The following PCDHA7 variants were observed in gnomAD, a reference collection of about 807,000 sequenced individuals.
PCDHA7 encodes the protein protocadherin alpha 7.
A neutral mutation model predicts 57.2 loss-of-function variants in PCDHA7; 37 were observed. That is an observed-to-expected ratio of 0.65 (90% CI 0.50 to 0.85). The LOEUF (loss-of-function observed/expected upper bound fraction) is 0.85, where lower values mean the gene tolerates loss of function less well. Among genes scored for constraint, PCDHA7 ranks in the 40% least tolerant of loss-of-function variants. The probability of loss-of-function intolerance (pLI) is 0.00; values close to 1 mark genes in which losing one functional copy is unlikely to be tolerated. For synonymous variants in PCDHA7, 553 were observed against 558.8 expected (o/e 0.99, Z 0.15); for missense variants, 1,188 against 1,241.8 (o/e 0.96, Z 0.65).
chr5:140,984,682 A>G (rs2097114582), intron 3 of PCDHA7, among the ~76,000 whole-genome samples: 2 of 152,136 alleles, frequency 1.3e-5, no homozygotes, highest in Non-Finnish European at 2.9e-5. Context: ...AGGACTCAAT[A>G]TATGTTCTGC....
intron 1 of PCDHA7, among the ~76,000 whole-genome samples, chr5:140,916,649 G>A (rs1331435832): frequency 6.6e-6 from 1 of 152,166 alleles, no homozygotes; most frequent in Non-Finnish European, 1.5e-5. Flanking sequence ...TGGCTGAGCT[G>A]GTATCCAAGA....
chr5:140,978,217 A>G (rs1554239114), intron 1 of PCDHA7, among the ~76,000 whole-genome samples: 2 of 152,222 alleles, frequency 1.3e-5, no homozygotes, highest in East Asian at 1.9e-4. Flanking sequence ...TGCAAAATGT[A>G]TCAGGTTTTT....
At chr5:140,995,629 T>C (rs1333793289) in intron 3 of PCDHA7, among the ~76,000 whole-genome samples, 1 of 152,164 alleles carries the variant, frequency 6.6e-6, no homozygotes, top group Admixed American at 6.5e-5. Context: ...TTGGAAACTT[T>C]GGAGTGTTTA....
At chr5:140,899,035 G>C (rs2067107583) in intron 1 of PCDHA7, among the ~76,000 whole-genome samples, 1 of 151,908 alleles carries the variant, frequency 6.6e-6, no homozygotes, top group African/African-American at 2.4e-5. Context: ...TTTGTACATT[G>C]ATTTTGTATC....
At chr5:140,892,616 G>A (rs781995267) in intron 1 of PCDHA7, among the ~76,000 whole-genome samples, 1 of 151,910 alleles carries the variant, frequency 6.6e-6, no homozygotes, top group Admixed American at 6.6e-5. Flanking sequence ...TTTATTTCCA[G>A]TTGGTACATA....
chr5:140,857,681 G>C lies in PCDHA7; in HGVS notation c.2355+20943G>C, dbSNP rs2044790199. 3 of 1,596,838 alleles carry C rather than the reference G, an allele frequency of 1.9e-6. No individual in the cohort carries two copies. In the African/African-American group the frequency reaches 4.0e-5, roughly 22 times the overall value. The stretch of plus-strand genomic sequence containing the variant: ...GCGCGATGGGGGCGTGCCGCCTCTG[G>C]GCAGCAACTTGACGCTGCAGGTGTT... On this transcript the variant is annotated intron_variant, in intron 1 of 3. Transcript: ENST00000525929.
At chr5:140,848,275 T>G in intron 1 of PCDHA7, 2 of 545,056 alleles carry the variant, frequency 3.7e-6, no homozygotes, top group Non-Finnish European at 3.2e-6. Flanking sequence ...TCATGAAATA[T>G]GTACTTACAC....
At chr5:140,850,239 C>T (rs1275916187) in intron 1 of PCDHA7, 1 of 1,594,010 alleles carries the variant, frequency 6.3e-7, no homozygotes, top group Admixed American at 1.7e-5. Context: ...CGAGATGGTG[C>T]TGCGGTCGGT....
chr5:140,865,598 C>A (rs542387225), intron 1 of PCDHA7: 1 of 152,240 alleles, frequency 6.6e-6, no homozygotes, highest in African/African-American at 2.4e-5. Flanking sequence ...ATTGTTTGAG[C>A]AGTTTATTAA....
intron 1 of PCDHA7, chr5:140,881,383 G>C: frequency 1.0e-6 from 1 of 984,330 alleles, no homozygotes; most frequent in Non-Finnish European, 1.2e-6. Flanking sequence ...AGCCGGCGGC[G>C]GTAAGTTAAA....
chr5:140,851,821 C>G, intron 1 of PCDHA7: 1 of 958,244 alleles, frequency 1.0e-6, no homozygotes, highest in Non-Finnish European at 1.3e-6. Context: ...AGACAGAAAT[C>G]TGTTTTTTTA....
In PCDHA7 at chr5:140,869,461, A is replaced by G. The variant is rs372195509; in HGVS notation, c.2355+32723A>G. ...CAGGCCGCTGCAGGTTTTCCATGTG[A>G]ACGTGGAGGTGAAGGACATTAACGA... On this transcript the variant is annotated intron_variant, in intron 1 of 3. Transcript: ENST00000525929. 5.8e-5 allele frequency: 94 copies of G among 1,614,148 alleles called. No homozygotes were observed. In the African/African-American group the frequency reaches 7.9e-4, roughly 13 times the overall value.
At chr5:140,946,611 A>AATATAT (rs1554217734) in intron 1 of PCDHA7, among the ~76,000 whole-genome samples, 1,127 of 86,766 alleles carry the variant, frequency 0.013, 130 homozygotes, top group African/African-American at 0.067. Flanking sequence ...GAAAATGTGA[A>AATATAT]ATATATATAT....
At position 140,980,991 on chromosome 5, in the gene PCDHA7, C is replaced by G. The variant is rs888673669; in HGVS notation, c.2415-1484C>G. Among the ~76,000 whole-genome samples the G allele has an allele frequency of 1.2e-4, 18 of 151,972 alleles. 1 individual carries two copies. Among genetic ancestry groups the G allele is most frequent in the Non-Finnish European group, 8.8e-5 (6 of 68,014 alleles). ...AATCTGACTGAGCCCACACAATTTG[C>G]TAGTAGGATCCAGGAACACTTGAAG... On this transcript the variant is annotated intron_variant, in intron 2 of 3. Transcript: ENST00000525929.
intron 1 of PCDHA7, among the ~76,000 whole-genome samples, chr5:140,880,113 C>T (rs957295411): frequency 4.6e-5 from 7 of 152,220 alleles, no homozygotes; most frequent in Admixed American, 3.3e-4. Context: ...GAAGGATAGA[C>T]AACAGGAAGC....
At chr5:140,972,729 T>G (rs574244702) in intron 1 of PCDHA7, among the ~76,000 whole-genome samples, 47 of 147,600 alleles carry the variant, frequency 3.2e-4, no homozygotes, top group African/African-American at 1.1e-3. Context: ...AGTGGCGTAA[T>G]CCCGGCTCAC....
chr5:141,007,671 A>G (rs1161141271), intron 3 of PCDHA7, among the ~76,000 whole-genome samples: 1 of 152,184 alleles, frequency 6.6e-6, no homozygotes, highest in African/African-American at 2.4e-5. Context: ...TTACAAAGAC[A>G]AAAGTTATCC....
intron 1 of PCDHA7, among the ~76,000 whole-genome samples, chr5:140,905,958 G>C (rs1554192269): frequency 6.6e-6 from 1 of 152,184 alleles, no homozygotes; most frequent in African/African-American, 2.4e-5. Context: ...GATGTTCAAG[G>C]GGAGGAAGAT....
At chr5:140,910,072 T>A (rs546252378) in intron 1 of PCDHA7, among the ~76,000 whole-genome samples, 359 of 152,300 alleles carry the variant, frequency 2.4e-3, no homozygotes, top group African/African-American at 8.0e-3. Flanking sequence ...ACAGCGTAAA[T>A]TGTTGTCAAG....
Sources: allele counts gnomAD v4.1 joint callset (sites outside exome capture counted in the v4.1 genomes callset), GRCh38; gene constraint gnomAD v4.1.1; transcripts MANE v1.5; gene names NCBI Gene and HGNC (gene_info 2026-07-23, HGNC 2026-07-21).